Variants in CHD3 observed in about 807,000 individuals in gnomAD.
CHD3 encodes the protein chromodomain helicase DNA binding protein 3, also known as ATP-dependent chromatin remodeler CHD3.
Under a neutral mutation model 248.9 loss-of-function variants are expected in CHD3, and 52 were observed. The ratio of observed to expected loss-of-function variants is 0.21; its 90% CI spans 0.17 to 0.26. The LOEUF is 0.26. Among genes scored for constraint, CHD3 ranks in the 10% least tolerant of loss-of-function variants. The pLI, the probability that CHD3 is intolerant of heterozygous loss-of-function variation, is 1.00. For synonymous variants in CHD3, 985 were observed against 985.2 expected, an observed-to-expected ratio of 1.00 and a Z score of 0.00; for missense variants, 1,482 against 2,605.8, an observed-to-expected ratio of 0.57 and a Z score of 9.39.
Position 7,909,076 on chromosome 17 carries a change from C to T in CHD3, c.5395-67C>T, listed in dbSNP as rs746154367. 1.9e-5 allele frequency: 30 copies of T among 1,539,544 alleles called. No homozygotes were observed. The highest frequency in any genetic ancestry group is 9.9e-5 in the Admixed American group (5 of 50,644). On this transcript the variant is annotated intron_variant, in intron 36 of 39. Coordinates refer to ENST00000330494, the MANE Select transcript of CHD3 (RefSeq NM_001005273.3). This position sits in a 1 kb window ranked among gnomAD's most constrained non-coding sequence, Gnocchi z 8.1. ...GGCAGGGTGGGTCTCTTGCTATGTC[C>T]GCCCCCCCAGCCCCTCACCCACTGC...
intron 13 of CHD3, 122 bp from the exon 14 acceptor site, chr17:7,898,888 TA>T: frequency 2.2e-6 from 2 of 902,988 alleles, no homozygotes; most frequent in Non-Finnish European, 3.6e-6. Flanking sequence ...AGAACTTTTG[TA>T]AACTCAGGCC....
rs1969398415 is a variant in CHD3 at position 7,894,715 on chromosome 17, T to C, written c.1269+107T>C. On this transcript the variant is annotated intron_variant, in intron 8 of 39. Coordinates refer to ENST00000330494, the MANE Select transcript of CHD3 (RefSeq NM_001005273.3). The stretch of plus-strand genomic sequence containing the variant: ...GCCCCCAGATGGCTGGACTTCTTAG[T>C]AACAGATGTCCGAGTGTCTAGGATC... 8.2e-6 allele frequency: 11 copies of C among 1,349,256 alleles called. No individual in the cohort carries two copies. In the South Asian group the frequency reaches 1.5e-4, roughly 18 times the overall value. The allele number at this position is 1,349,256 out of a possible 1,614,324, so 83.6% of individuals were successfully genotyped here.
chr17:7,885,307 C>CCCGCCGCACCCCTCCGCCGCCGCCGCCG (rs1555603802), upstream of CHD3: 13 of 157,218 alleles, frequency 8.3e-5, no homozygotes, highest in Admixed American at 9.8e-4. Context: ...GCACCCCTCC[C>CCCGCCGCACCCCTCCGCCGCCGCCGCCG]CCGCCGCCGC....
In CHD3 at chr17:7,905,505, C is replaced by T. The variant is rs1466596927; in HGVS notation, c.4139-116C>T. ...GTGCTTGGGAGAGAATTGGGAGCAC[C>T]TCAAACGTGACAGGAATGTTCCTGT... On this transcript the variant is annotated intron_variant, in intron 26 of 39. Coordinates refer to ENST00000330494, the MANE Select transcript of CHD3 (RefSeq NM_001005273.3). This position sits in a 1 kb window ranked among gnomAD's most constrained non-coding sequence, Gnocchi z 5.8. 1.3e-6 allele frequency: 1 copy of T among 797,442 alleles called. No individual in the cohort carries two copies. Among genetic ancestry groups the T allele is most frequent in the African/African-American group, 1.7e-5 (1 of 57,368 alleles). 49.4% of individuals were successfully genotyped at this position (797,442 alleles called of 1,614,324 possible).
chr17:7,906,655 G>A lies in CHD3; in HGVS notation c.4461G>A (p.Gln1487=). 1 of 1,613,108 alleles carries A rather than the reference G, an allele frequency of 6.2e-7. No individual in the cohort carries two copies. The highest frequency in any genetic ancestry group is 8.5e-7 in the Non-Finnish European group (1 of 1,179,600). Reference sequence around the variant, plus strand: ...CTCGGGAGGGACTGAGTCGCCAGCAGGTGTTGACCCGCATTGGAGTCATGT... The same window carrying A: ...CTCGGGAGGGACTGAGTCGCCAGCAAGTGTTGACCCGCATTGGAGTCATGT... ...GVPREGLSRQ[Q]VLTRIGVMSL... The change falls in exon 29 of 40, where the codon CAG becomes CAA. Residue 1487 remains glutamine, a synonymous_variant. Coordinates refer to ENST00000330494, the MANE Select transcript of CHD3 (RefSeq NM_001005273.3). The surrounding 1 kb of genome is among the most constrained non-coding windows in gnomAD (Gnocchi z 5.0).
At position 7,899,588 on chromosome 17, in the gene CHD3, ACTT is replaced by A. The variant is rs1411290270; in HGVS notation, c.2544+49_2544+51del. ...ATCCTCTGAGACCCTCAAAGCTGTC[ACTT>A]CTTTTTCTCAGCCAGGAATTCAGTT... On this transcript the variant is annotated intron_variant, in intron 15 of 39. Coordinates refer to ENST00000330494, the MANE Select transcript of CHD3 (RefSeq NM_001005273.3). This position sits in a 1 kb window ranked among gnomAD's most constrained non-coding sequence, Gnocchi z 6.8. 6.3e-7 allele frequency: 1 copy of A among 1,575,538 alleles called. No individual in the cohort carries two copies.
In CHD3 at chr17:7,908,486, A is replaced by G. The variant is rs1231090974; in HGVS notation, c.5237A>G (p.Tyr1746Cys). 13 of 1,613,596 alleles carry G rather than the reference A, an allele frequency of 8.1e-6. No homozygotes were observed. Among genetic ancestry groups the G allele is most frequent in the South Asian group, 1.1e-5 (1 of 91,072 alleles). The change falls in exon 35 of 40, where the codon TAT becomes TGT. Residue 1746 changes from tyrosine to cysteine, a missense_variant. Around this residue, in one of 20 missense-constraint regions of CHD3, gnomAD observed 36 missense variants for 70.4 expected, o/e 0.51. Coordinates refer to ENST00000330494, the MANE Select transcript of CHD3 (RefSeq NM_001005273.3). This position sits in a 1 kb window ranked among gnomAD's most constrained non-coding sequence, Gnocchi z 5.8. ...LNEIWHRRHD[Y>C]WLLAGIVLHG... is the part of the protein sequence containing the mutation. ...GAGATCTGGCACAGAAGACATGACT[A>G]TTGGCTTCTGGCTGGGATTGTCCTG...
In CHD3 at chr17:7,894,171, C is replaced by T; in HGVS notation, c.981C>T (p.Asp327=). The T allele has an allele frequency of 1.9e-6, 3 of 1,614,232 alleles. No homozygotes were observed. The highest frequency in any genetic ancestry group is 1.7e-6 in the Non-Finnish European group (2 of 1,180,024). Residue 327 remains aspartate (D), a synonymous_variant, in exon 7 of 40, where the codon GAC becomes GAT. Transcript: ENST00000330494. ...PEPEAEESDL[D]SGSVHSASGR... The stretch of plus-strand genomic sequence containing the variant: ...CAGAGGCTGAGGAATCAGACCTGGA[C>T]AGTGGCAGTGTCCACAGTGCCTCAG...
intron 7 of CHD3, 37 bp downstream of exon 7, chr17:7,894,302 G>T: frequency 6.2e-7 from 1 of 1,600,592 alleles, no homozygotes; most frequent in South Asian, 1.1e-5. Context: ...CTGTCAGTGG[G>T]CCGTCCTCTC....
chr17:7,889,357 G>A lies in CHD3; in HGVS notation c.100+257G>A, dbSNP rs138049928. On this transcript the variant is annotated intron_variant, in intron 1 of 39. Coordinates refer to ENST00000330494, the MANE Select transcript of CHD3 (RefSeq NM_001005273.3). The surrounding 1 kb of genome is among the most constrained non-coding windows in gnomAD (Gnocchi z 4.5). Reference sequence around the variant, plus strand: ...GGGGGAAGGCAGGAGGAGCCCTGGCGGTGACTGAAAGGACCTGCCACAGTC... The same window carrying A: ...GGGGGAAGGCAGGAGGAGCCCTGGCAGTGACTGAAAGGACCTGCCACAGTC... Among the ~76,000 whole-genome samples, 7 of 152,372 alleles carry A rather than the reference G, an allele frequency of 4.6e-5. No homozygotes were observed. In the East Asian group the frequency reaches 5.8e-4, roughly 13 times the overall value.
Position 7,904,068 on chromosome 17 carries a change from G to T in CHD3, c.3894+77G>T. ...GCAGTATCCTTTACTCAGCCTTGAA[G>T]TAGGAGGGTCTGTCCCCCTTAAAAC... On this transcript the variant is annotated intron_variant, in intron 24 of 39. Transcript: ENST00000330494. The surrounding 1 kb of genome is among the most constrained non-coding windows in gnomAD (Gnocchi z 4.4). 1 of 1,493,992 alleles carries T rather than the reference G, an allele frequency of 6.7e-7. No individual in the cohort carries two copies. Among genetic ancestry groups the T allele is most frequent in the South Asian group, 1.2e-5 (1 of 82,312 alleles). 92.5% of individuals were successfully genotyped at this position (1,493,992 alleles called of 1,614,324 possible).
At chr17:7,888,218 A>G (rs1253581526), upstream of CHD3, among the ~76,000 whole-genome samples, 2 of 152,098 alleles carry the variant, frequency 1.3e-5, no homozygotes, top group Non-Finnish European at 2.9e-5. Context: ...ACAGTCCTAG[A>G]GTGTCTTCCT....
chr17:7,908,564 A>G lies in CHD3; in HGVS notation c.5261+54A>G. ...AAAGGTTCTCTCAAGCTGGCAAAAA[A>G]AAAAAAGATGATTTCACACCCAGGG... On this transcript the variant is annotated intron_variant, in intron 35 of 39. Transcript: ENST00000330494. This position sits in a 1 kb window ranked among gnomAD's most constrained non-coding sequence, Gnocchi z 5.8. 6.3e-7 allele frequency: 1 copy of G among 1,594,734 alleles called. No individual in the cohort carries two copies. Among genetic ancestry groups the G allele is most frequent in the Non-Finnish European group, 8.6e-7 (1 of 1,165,476 alleles).
In CHD3 at chr17:7,902,663, G is replaced by A. The variant is rs1567859927; in HGVS notation, c.3306G>A (p.Lys1102=). Residue 1102 remains lysine (K), a synonymous_variant, in exon 21 of 40, where the codon AAG becomes AAA. Transcript: ENST00000330494. ...LEDFLDYEGY[K]YERIDGGITG... ...ACTTCTTAGACTATGAAGGCTACAA[G>A]TATGAGCGCATCGATGGTGGTATCA... 1 of 1,614,106 alleles carries A rather than the reference G, an allele frequency of 6.2e-7. No homozygotes were observed. The highest frequency in any genetic ancestry group is 8.5e-7 in the Non-Finnish European group (1 of 1,180,006).
rs1483504037 is a variant in CHD3 at position 7,899,261 on chromosome 17, A to C, written c.2343+59A>C. ...TGGACTGGGGAAGTGGGGAGGGGGA[A>C]GATAAAGGGGTGTAGCTGGCAGAGG... On this transcript the variant is annotated intron_variant, in intron 14 of 39. Transcript: ENST00000330494. This position sits in a 1 kb window ranked among gnomAD's most constrained non-coding sequence, Gnocchi z 6.8. 1.2e-6 allele frequency: 2 copies of C among 1,601,130 alleles called. No individual in the cohort carries two copies. Among genetic ancestry groups the C allele is most frequent in the Admixed American group, 1.7e-5 (1 of 59,638 alleles).
chr17:7,903,795 A>C lies in CHD3; in HGVS notation c.3728-30A>C, dbSNP rs1049509225. On this transcript the variant is annotated intron_variant, in intron 23 of 39. Transcript: ENST00000330494. The surrounding 1 kb of genome is among the most constrained non-coding windows in gnomAD (Gnocchi z 6.8). ...TCAGCCTTTCTAAACTTTGGAACCC[A>C]AAGTTCCCGTTTGTTTTCCCTCTCA... 2.5e-6 allele frequency: 4 copies of C among 1,609,782 alleles called. No homozygotes were observed. In the African/African-American group the frequency reaches 4.0e-5, roughly 16 times the overall value.
In CHD3 at chr17:7,911,730, T is replaced by A; in HGVS notation, c.*145T>A. On this transcript the variant is annotated 3_prime_UTR_variant, in exon 40 of 40. Coordinates refer to ENST00000330494, the MANE Select transcript of CHD3 (RefSeq NM_001005273.3). This position sits in a 1 kb window ranked among gnomAD's most constrained non-coding sequence, Gnocchi z 5.4. ...GAACCCCTTTGCCCCTCTCTGCAGC[T>A]CCTCTCTTCAAGAAGGGCCCTTTGT... 6.5e-7 allele frequency: 1 copy of A among 1,543,328 alleles called. No homozygotes were observed. The highest frequency in any genetic ancestry group is 8.8e-7 in the Non-Finnish European group (1 of 1,141,922).
At chr17:7,893,779 T>C in intron 5 of CHD3, 26 bp from the exon 6 acceptor site, 1 of 1,610,138 alleles carries the variant, frequency 6.2e-7, no homozygotes, top group Non-Finnish European at 8.5e-7. Context: ...TCCTTTTTCC[T>C]CTTCTCACCC....
rs201793105 is a variant in CHD3 at position 7,893,790 on chromosome 17, C to T, written c.794-15C>T. The T allele has an allele frequency of 1.2e-4, 192 of 1,612,700 alleles. 3 individuals are homozygous for T. The African/African-American group carries it at 2.1e-3, about 18-fold the overall frequency. On this transcript the variant is annotated splice_polypyrimidine_tract_variant and intron_variant, in intron 5 of 39. Transcript: ENST00000330494. ...CCTCTCCTTTTTCCTCTTCTCACCC[C>T]GACTCCTCATTCAGGTCCAGGCCAT...
Sources: gnomAD v4.1 joint callset for allele counts (sites outside exome capture counted in the v4.1 genomes callset) on GRCh38, gnomAD v4.1.1 for gene constraint, gnomAD v4.1.1 regional missense constraint, Gnocchi (gnomAD v3.1) non-coding constraint, MANE v1.5 for transcripts, NCBI Gene and HGNC (gene_info 2026-07-23, HGNC 2026-07-21) for gene names.